NPEPPS: variants seen among roughly 807,000 people sequenced by gnomAD.
NPEPPS encodes the protein puromycin-sensitive aminopeptidase.
NPEPPS carries 14 observed loss-of-function variants against 115.5 expected under a neutral mutation model. The observed-to-expected ratio is 0.12, with a 90% confidence interval of 0.08 to 0.19. The LOEUF is 0.19. NPEPPS is among the 10% of genes least tolerant of loss of function. NPEPPS has a pLI of 1.00. For missense variants in NPEPPS, 523 were observed against 1,110.8 expected (o/e 0.47, Z 7.52); for synonymous variants, 285 against 390.6 (o/e 0.73, Z 3.19).
rs114955582 is a variant in NPEPPS, at chr17:47,612,199, A to G, written c.2096-261A>G. On this transcript the variant is annotated intron_variant, in intron 17 of 22. Coordinates refer to ENST00000322157, the MANE Select transcript of NPEPPS (RefSeq NM_006310.4). ...AGCAGAGTAGTTAACTAGACTGAGT[A>G]AACATTTAGTAAACTCAGATAGTTT... 3.0e-3 allele frequency among the ~76,000 whole-genome samples: 452 copies of G among 152,336 alleles called. 4 individuals are homozygous for G. The highest frequency in any genetic ancestry group is 0.01 in the African/African-American group (433 of 41,568).
intron 16 of NPEPPS, 96 bp downstream of exon 16, chr17:47,604,145 T>C: frequency 8.4e-7 from 1 of 1,194,622 alleles, no homozygotes; most frequent in Non-Finnish European, 1.2e-6. Flanking sequence ...AGAATATGGG[T>C]CTTCATGATG....
At chr17:47,586,754 T>A (rs554745039) in intron 8 of NPEPPS, 5 of 471,516 alleles carry the variant, frequency 1.1e-5, no homozygotes, top group South Asian at 6.3e-5. Context: ...AACATAAACA[T>A]GTGAGTTGAA....
At chr17:47,536,005 T>A (rs565748909) in intron 1 of NPEPPS, among the ~76,000 whole-genome samples, 1 of 151,836 alleles carries the variant, frequency 6.6e-6, no homozygotes, top group African/African-American at 2.4e-5. Context: ...CCTGGCTGAT[T>A]TTTTTGTATT....
intron 16 of NPEPPS, 154 bp downstream of exon 16, chr17:47,604,203 C>T (rs1913394113): frequency 1.7e-6 from 1 of 579,054 alleles, no homozygotes. Context: ...TTTAATATGA[C>T]AAGATTGAGG....
intron 15 of NPEPPS, among the ~76,000 whole-genome samples, chr17:47,602,694 G>A (rs1486912883): frequency 6.9e-6 from 1 of 145,852 alleles, no homozygotes; most frequent in Non-Finnish European, 1.5e-5. Context: ...TTTTTTTTGA[G>A]TTGGTCTCAC....
intron 1 of NPEPPS, among the ~76,000 whole-genome samples, chr17:47,539,668 C>G (rs547609935): frequency 1.3e-5 from 2 of 152,242 alleles, no homozygotes; most frequent in Admixed American, 6.5e-5. Flanking sequence ...ACTTTAATTG[C>G]ATATTAGTAG....
intron 2 of NPEPPS, among the ~76,000 whole-genome samples, chr17:47,547,718 AG>A (rs1909319066): frequency 6.6e-6 from 1 of 152,018 alleles, no homozygotes; most frequent in African/African-American, 2.4e-5. Context: ...GGTTACTCTG[AG>A]ACTTCTTTAA....
At chr17:47,534,419 A>G (rs1468568553) in intron 1 of NPEPPS, among the ~76,000 whole-genome samples, 1 of 152,096 alleles carries the variant, frequency 6.6e-6, no homozygotes, top group East Asian at 1.9e-4. Context: ...TATGACTGAT[A>G]TTGGATCAGT....
At chr17:47,544,104 C>G (rs2143704707) in intron 1 of NPEPPS, among the ~76,000 whole-genome samples, 1 of 152,194 alleles carries the variant, frequency 6.6e-6, no homozygotes, top group East Asian at 1.9e-4. Context: ...CCGTGTTAGC[C>G]AGGATGGTCT....
rs776656178 is a variant in NPEPPS at position 47,605,541 on chromosome 17, A to G, written c.2084A>G (p.Lys695Arg). The change falls in exon 17 of 23, where the codon AAA becomes AGA. Residue 695 changes from lysine (K) to arginine (R), a missense_variant. Transcript: ENST00000322157. ...GGGGAGAGACTGGGCTGGGACCCCA[A>G]ACCTGGAGAAGGTAATGGATATACT... ...PIGERLGWDPKPGEGHLDALL... is the reference protein window; with the variant it reads ...PIGERLGWDPRPGEGHLDALL... The G allele has an allele frequency of 3.8e-6, 6 of 1,585,522 alleles. No homozygotes were observed. In the East Asian group the frequency reaches 1.4e-4, roughly 36 times the overall value.
intron 17 of NPEPPS, among the ~76,000 whole-genome samples, chr17:47,609,130 G>A (rs1047381877): frequency 5.9e-5 from 9 of 152,112 alleles, no homozygotes; most frequent in South Asian, 2.1e-4. Flanking sequence ...GAACATATGC[G>A]GTAGTAATAT....
Position 47,551,082 on chromosome 17 carries a change from A to G in NPEPPS, c.340+5089A>G, listed in dbSNP as rs559455665. Among the ~76,000 whole-genome samples the G allele has an allele frequency of 1.2e-4, 18 of 152,322 alleles. No individual in the cohort carries two copies. The East Asian group carries it at 2.9e-3, about 24-fold the overall frequency. ...GTTTTACAGACTTTTCTATTTCTCA[A>G]TGGAACTTTACTCTGAAGATATACT... On this transcript the variant is annotated intron_variant, in intron 2 of 22. Coordinates refer to ENST00000322157, the MANE Select transcript of NPEPPS (RefSeq NM_006310.4).
intron 17 of NPEPPS, among the ~76,000 whole-genome samples, chr17:47,608,466 A>G (rs938560123): frequency 5.9e-5 from 9 of 151,900 alleles, no homozygotes; most frequent in African/African-American, 2.2e-4. Flanking sequence ...AAAAAAAAAA[A>G]AAAAAAAAGT....
intron 13 of NPEPPS, among the ~76,000 whole-genome samples, chr17:47,597,160 T>C (rs1039103683): frequency 5.1e-5 from 6 of 118,536 alleles, no homozygotes; most frequent in Non-Finnish European, 9.9e-5. Flanking sequence ...TAAAATTTCA[T>C]ACCCACTTAT....
chr17:47,593,864 T>G (rs1912668559), intron 12 of NPEPPS, among the ~76,000 whole-genome samples: 1 of 152,198 alleles, frequency 6.6e-6, no homozygotes, highest in African/African-American at 2.4e-5. Flanking sequence ...AAATATGATA[T>G]TAAAGATGCT....
chr17:47,576,747 C>T (rs941799868), intron 3 of NPEPPS, among the ~76,000 whole-genome samples: 44 of 152,098 alleles, frequency 2.9e-4, no homozygotes, highest in African/African-American at 1.1e-3. Context: ...AGGTTTACAA[C>T]CCCAAACATA....
intron 20 of NPEPPS, among the ~76,000 whole-genome samples, chr17:47,618,676 G>C (rs2032588567): frequency 6.6e-6 from 1 of 152,178 alleles, no homozygotes; most frequent in Admixed American, 6.5e-5. Context: ...TCTCCAGAAT[G>C]GAAACTATGA....
chr17:47,531,712 TTGGGGC>T (rs1297359032), intron 1 of NPEPPS, among the ~76,000 whole-genome samples, 157 bp downstream of exon 1: 11 of 147,704 alleles, frequency 7.4e-5, no homozygotes, highest in Admixed American at 2.7e-4. Context: ...CCTTGCTCTG[TTGGGGC>T]TGGGGCTGGG....
In NPEPPS at chr17:47,586,006, C is replaced by CA. The variant is rs1371841005; in HGVS notation, c.850-141dup. 6.3e-6 allele frequency: 5 copies of CA among 797,126 alleles called. No homozygotes were observed. In the African/African-American group the frequency reaches 7.1e-5, roughly 11 times the overall value. The allele number at this position is 797,126 out of a possible 1,614,324, so 49.4% of individuals were successfully genotyped here. ...TTGTATTCAAAGTTTGGAGCTAAGG[C>CA]AGTCTTCGGAGGGTAGGGCTCCTCG... On this transcript the variant is annotated intron_variant, in intron 6 of 22. Coordinates refer to ENST00000322157, the MANE Select transcript of NPEPPS (RefSeq NM_006310.4).
Sources: gnomAD v4.1 joint callset for allele counts (sites outside exome capture counted in the v4.1 genomes callset) on GRCh38, gnomAD v4.1.1 for gene constraint, MANE v1.5 for transcripts, NCBI Gene and HGNC (gene_info 2026-07-23, HGNC 2026-07-21) for gene names.